Variants in DNAH8 observed in about 807,000 individuals in gnomAD.
The protein encoded by DNAH8 is dynein axonemal heavy chain 8.
In DNAH8, 382 loss-of-function variants were observed where a neutral mutation model predicts 562.1. The observed-to-expected ratio is 0.68, with a 90% CI of 0.63 to 0.74. The LOEUF is 0.74. Among genes scored for constraint, DNAH8 ranks in the 30% least tolerant of loss-of-function variants. The pLI is 0.00. For missense variants in DNAH8, 5,203 were observed against 5,620.4 expected (o/e 0.93, Z 2.37); for synonymous variants, 1,881 against 1,919.4 (o/e 0.98, Z 0.52).
In DNAH8 at chr6:39,030,792, A is replaced by G. The variant is rs1561994379; in HGVS notation, c.*400A>G. 1.3e-5 allele frequency among the ~76,000 whole-genome samples: 2 copies of G among 152,102 alleles called. No individual in the cohort carries two copies. The highest frequency in any genetic ancestry group is 4.8e-5 in the African/African-American group (2 of 41,408). On this transcript the variant is annotated 3_prime_UTR_variant, in exon 93 of 93. Transcript: ENST00000327475. The stretch of plus-strand genomic sequence containing the variant: ...CCTTGAATAAAATCTAGCCATGTCT[A>G]TGTCTGTGCTAACGTGTTATCTTTT...
intron 15 of DNAH8, among the ~76,000 whole-genome samples, chr6:38,780,659 AG>A (rs1056998723): frequency 6.6e-6 from 1 of 152,184 alleles, no homozygotes; most frequent in African/African-American, 2.4e-5. Flanking sequence ...ATGGACACAA[AG>A]AAGGGAACAG....
chr6:38,994,545 T>C (rs1365977109), intron 88 of DNAH8, among the ~76,000 whole-genome samples: 3 of 152,064 alleles, frequency 2.0e-5, no homozygotes, highest in Non-Finnish European at 4.4e-5. Flanking sequence ...TTTTTACATT[T>C]AGTTCTTTTA....
At chr6:38,993,405 T>C (rs1764919807) in intron 88 of DNAH8, among the ~76,000 whole-genome samples, 1 of 151,814 alleles carries the variant, frequency 6.6e-6, no homozygotes, top group Admixed American at 6.6e-5. Flanking sequence ...TGATATATAG[T>C]TATGTTTATT....
rs369619354 is a variant in DNAH8 at position 38,936,986 on chromosome 6, G to T, written c.11564-988G>T. ...ATTTTAATTAAAAACCAAATTCATT[G>T]TCATAAACATGCACTATTTCCATTA... On this transcript the variant is annotated intron_variant, in intron 77 of 92. Transcript: ENST00000327475. Among the ~76,000 whole-genome samples, 176 of 152,164 alleles carry T rather than the reference G, an allele frequency of 1.2e-3. 6 individuals are homozygous for T. In the South Asian group the frequency reaches 0.034, roughly 30 times the overall value.
chr6:38,955,492 G>A (rs1476424648), intron 82 of DNAH8, among the ~76,000 whole-genome samples: 1 of 152,028 alleles, frequency 6.6e-6, no homozygotes. Flanking sequence ...TTAGCTGGGT[G>A]TGGTGGCGGG....
At chr6:38,751,197 G>A (rs951009225) in intron 9 of DNAH8, among the ~76,000 whole-genome samples, 7 of 152,198 alleles carry the variant, frequency 4.6e-5, no homozygotes, top group African/African-American at 1.7e-4. Context: ...GTTCACTCAT[G>A]TGGTTATTGG....
chr6:38,857,819 C>T (rs1583199279), intron 42 of DNAH8, 77 bp downstream of exon 42: 9 of 892,490 alleles, frequency 1.0e-5, no homozygotes, highest in African/African-American at 1.7e-5. Flanking sequence ...GCCTAACTTA[C>T]ATGAACTTTC....
At chr6:39,000,384 A>T (rs998458092) in intron 88 of DNAH8, among the ~76,000 whole-genome samples, 1 of 151,822 alleles carries the variant, frequency 6.6e-6, no homozygotes, top group Admixed American at 6.6e-5. Context: ...GGGGTCCACT[A>T]CCCCTGGGCC....
chr6:38,770,665 C>A, intron 12 of DNAH8, 106 bp downstream of exon 12: 2 of 1,099,328 alleles, frequency 1.8e-6, no homozygotes, highest in Non-Finnish European at 2.5e-6. Flanking sequence ...CTCTTGTCCA[C>A]TATTGTTATG....
At chr6:38,793,326 C>G (rs555391223) in intron 21 of DNAH8, among the ~76,000 whole-genome samples, 2 of 152,044 alleles carry the variant, frequency 1.3e-5, no homozygotes, top group African/African-American at 4.8e-5. Flanking sequence ...TGAGATGACC[C>G]GTTTTAACAT....
At chr6:38,949,293 T>C (rs540773639) in intron 80 of DNAH8, among the ~76,000 whole-genome samples, 159 bp from the exon 81 acceptor site, 22 of 152,266 alleles carry the variant, frequency 1.4e-4, no homozygotes, top group Non-Finnish European at 2.5e-4. Context: ...ATCCAAGTTA[T>C]TCAAGTCATT....
chr6:39,002,882 G>A (rs1192097540), intron 88 of DNAH8, among the ~76,000 whole-genome samples: 1 of 152,186 alleles, frequency 6.6e-6, no homozygotes, highest in African/African-American at 2.4e-5. Flanking sequence ...TGAAAGTTCT[G>A]TATGTGAAGC....
intron 73 of DNAH8, 29 bp downstream of exon 73, chr6:38,924,191 A>G (rs199716244): frequency 6.2e-7 from 1 of 1,605,542 alleles, no homozygotes; most frequent in East Asian, 2.2e-5. Context: ...ATGTTATTTG[A>G]ATTTCAGTCT....
At chr6:38,926,273 A>G in intron 74 of DNAH8, 63 bp downstream of exon 74, 3 of 1,561,668 alleles carry the variant, frequency 1.9e-6, no homozygotes, top group East Asian at 2.3e-5. Flanking sequence ...CAAAATTTTG[A>G]TTGAATCTGC....
At chr6:38,791,784 T>G in intron 21 of DNAH8, 110 bp downstream of exon 21, 5 of 1,148,284 alleles carry the variant, frequency 4.4e-6, no homozygotes, top group Non-Finnish European at 4.8e-6. Flanking sequence ...TTAGACTTTT[T>G]TTTTTTGTTT....
intron 20 of DNAH8, 76 bp from the exon 21 acceptor site, chr6:38,791,479 T>C: frequency 6.7e-7 from 1 of 1,485,270 alleles, no homozygotes; most frequent in Non-Finnish European, 9.0e-7. Context: ...AATTTATAAC[T>C]CAAGCCTCTT....
At chr6:38,867,951 C>T (rs911789845) in intron 47 of DNAH8, 111 bp from the exon 48 acceptor site, 19 of 1,134,454 alleles carry the variant, frequency 1.7e-5, no homozygotes, top group Non-Finnish European at 2.2e-5. Context: ...TTAGTCACCC[C>T]AAAACTATCC....
chr6:38,715,956 A>ATTTTTTTTTTTTTTTTTTTTTT (rs1562521493), intron 1 of DNAH8, among the ~76,000 whole-genome samples: 1 of 27,030 alleles, frequency 3.7e-5, no homozygotes, highest in African/African-American at 2.0e-4. Context: ...ATATATATAT[A>ATTTTTTTTTTTTTTTTTTTTTT]TATATTTTTT....
At chr6:39,010,159 G>A (rs1766094367) in intron 89 of DNAH8, among the ~76,000 whole-genome samples, 1 of 151,988 alleles carries the variant, frequency 6.6e-6, no homozygotes, top group South Asian at 2.1e-4. Flanking sequence ...ACAGCATCAG[G>A]GGTGTAACTA....
Sources: allele counts gnomAD v4.1 joint callset (sites outside exome capture counted in the v4.1 genomes callset), GRCh38; gene constraint gnomAD v4.1.1; transcripts MANE v1.5; gene names NCBI Gene and HGNC (gene_info 2026-07-23, HGNC 2026-07-21).